The following PLXNB2 variants were observed in gnomAD, a reference collection of about 807,000 sequenced individuals.
The protein encoded by PLXNB2 is plexin-B2.
Under a neutral mutation model 202.6 loss-of-function variants are expected in PLXNB2, and 85 were observed. The observed-to-expected ratio is 0.42, with a 90% confidence interval of 0.35 to 0.50. The LOEUF is 0.50. Ranked by LOEUF, PLXNB2 falls within the 20% of genes least tolerant of loss-of-function variation. The pLI is 0.02. For synonymous variants in PLXNB2, 1,239 were observed against 1,137.6 expected (o/e 1.09, Z -1.79); for missense variants, 2,063 against 2,586.2 (o/e 0.80, Z 4.39).
Position 50,280,469 on chromosome 22 carries a change from G to C in PLXNB2, c.4175+20C>G, listed in dbSNP as rs375274039. On this transcript the variant is annotated intron_variant, in intron 25 of 36. Coordinates refer to ENST00000359337, the MANE Select transcript of PLXNB2 (RefSeq NM_012401.4). The stretch of plus-strand genomic sequence containing the variant: ...GGCCGCCCCGCCCGTGGCCCCGCTC[G>C]TGGCCCCGCCCATGTGCACCTGCGC... 3.8e-6 allele frequency: 6 copies of C among 1,582,536 alleles called. No individual in the cohort carries two copies. Among genetic ancestry groups the C allele is most frequent in the African/African-American group, 1.3e-5 (1 of 74,378 alleles).
In PLXNB2 at chr22:50,289,898, G is replaced by A; in HGVS notation, c.687C>T (p.Phe229=). 6.2e-7 allele frequency: 1 copy of A among 1,613,234 alleles called. No homozygotes were observed. Among genetic ancestry groups the A allele is most frequent in the Non-Finnish European group, 8.5e-7 (1 of 1,180,038 alleles). Residue 229 remains phenylalanine (F), a synonymous_variant, in exon 3 of 37, where the codon TTC becomes TTT. Transcript: ENST00000359337. This position sits in a 1 kb window ranked among gnomAD's most constrained non-coding sequence, Gnocchi z 8.0. ...VAAFEDGPYV[F]FVFNQQDKHP... ...GCTTGTCCTGCTGGTTGAAGACAAA[G>A]AAGACGTAGGGGCCGTCCTCGAAGG...
In PLXNB2 at chr22:50,305,217, G is replaced by A. The variant is rs555510511; in HGVS notation, c.-74+2336C>T. Among the ~76,000 whole-genome samples, 11 of 152,306 alleles carry A rather than the reference G, an allele frequency of 7.2e-5. No individual in the cohort carries two copies. In the South Asian group the frequency reaches 1.7e-3, roughly 23 times the overall value. On this transcript the variant is annotated intron_variant, in intron 1 of 36. Transcript: ENST00000359337. ...GGGGCAGGACACGGTGAGCACGGAC[G>A]ACGTCCTGGGATGGGAGGAGGACTG...
At chr22:50,296,823 A>G (rs2067311991) in intron 1 of PLXNB2, among the ~76,000 whole-genome samples, 2 of 151,948 alleles carry the variant, frequency 1.3e-5, no homozygotes, top group Admixed American at 6.6e-5. Flanking sequence ...CCCCACCGGG[A>G]TCCTCATGTG....
rs1212523334 is a variant in PLXNB2, at chr22:50,280,482, T to C, written c.4175+7A>G. The C allele has an allele frequency of 8.1e-6, 13 of 1,597,630 alleles. No homozygotes were observed. The highest frequency in any genetic ancestry group is 1.3e-5 in the African/African-American group (1 of 74,644). ...GTGGCCCCGCTCGTGGCCCCGCCCA[T>C]GTGCACCTGCGCAGCATCAGCTTGG... On this transcript the variant is annotated splice_region_variant and intron_variant, in intron 25 of 36. Transcript: ENST00000359337.
At position 50,280,584 on chromosome 22, in the gene PLXNB2, C is replaced by T. The variant is rs373529420; in HGVS notation, c.4080G>A (p.Gly1360=). The T allele has an allele frequency of 6.2e-7, 1 of 1,612,482 alleles. No individual in the cohort carries two copies. The highest frequency in any genetic ancestry group is 8.5e-7 in the Non-Finnish European group (1 of 1,179,874). ...FASLLTVALH[G]KLEYYTDIMH... is the part of the protein sequence containing the mutation. ...TGATGTCCGTGTAGTACTCCAGTTT[C>T]CCGTGCAGCGCCACCGTCAGCAGGG... The change falls in exon 25 of 37, where the codon GGG becomes GGA. Residue 1360 remains glycine (G), a synonymous_variant. Transcript: ENST00000359337.
At position 50,299,794 on chromosome 22, in the gene PLXNB2, G is replaced by A. The variant is rs143893967; in HGVS notation, c.-73-5016C>T. Among the ~76,000 whole-genome samples the A allele has an allele frequency of 3.7e-3, 567 of 152,262 alleles. 10 individuals are homozygous for A. In the East Asian group the frequency reaches 0.052, roughly 14 times the overall value. On this transcript the variant is annotated intron_variant, in intron 1 of 36. Coordinates refer to ENST00000359337, the MANE Select transcript of PLXNB2 (RefSeq NM_012401.4). ...TCAGAGTTCAGCCCGGGAGGCGGGG[G>A]GCGGTGTCTCCTGGGTGGGTCTGCG...
At position 50,275,778 on chromosome 22, in the gene PLXNB2, C is replaced by A. The variant is rs748967251; in HGVS notation, c.5443G>T (p.Ala1815Ser). Residue 1815 changes from alanine (A) to serine (S), a missense_variant, in exon 37 of 37, where the codon GCC becomes TCC. Physicochemically the swap from Ala to Ser is moderately conservative, Grantham distance 99. Coordinates refer to ENST00000359337, the MANE Select transcript of PLXNB2 (RefSeq NM_012401.4). ...CGGAAGGCCAGCTGCATCTTCTGGG[C>A]GGCAGGATCCTCCTCCAAGGCATTG... ...IINALEEDPA[A>S]QKMQLAFRLQ... The A allele has an allele frequency of 2.5e-6, 4 of 1,612,260 alleles. No individual in the cohort carries two copies. Among genetic ancestry groups the A allele is most frequent in the Non-Finnish European group, 2.5e-6 (3 of 1,179,724 alleles).
In PLXNB2 at chr22:50,282,705, C is replaced by A. The variant is rs764247211; in HGVS notation, c.2987+6G>T. Reference sequence around the variant, plus strand: ...GCAGAGGGGGGCGGGGGGACACCAGCCTCACCTGGCAAAGCTTCGTAGCGG... The same window carrying A: ...GCAGAGGGGGGCGGGGGGACACCAGACTCACCTGGCAAAGCTTCGTAGCGG... On this transcript the variant is annotated splice_donor_region_variant and intron_variant, in intron 18 of 36. Transcript: ENST00000359337. The A allele has an allele frequency of 7.9e-6, 12 of 1,525,960 alleles. No homozygotes were observed. The African/African-American group carries it at 1.9e-4, about 25-fold the overall frequency. 94.5% of individuals were successfully genotyped at this position (1,525,960 alleles called of 1,614,324 possible).
At chr22:50,283,796 A>G (rs929910902) in intron 14 of PLXNB2, 37 bp downstream of exon 14, 2 of 1,612,500 alleles carry the variant, frequency 1.2e-6, no homozygotes, top group South Asian at 2.2e-5. Flanking sequence ...CATGCCAGGG[A>G]CGAGGGAAGG....
At chr22:50,287,850 G>A in intron 6 of PLXNB2, 57 bp from the exon 7 acceptor site, 1 of 1,596,622 alleles carries the variant, frequency 6.3e-7, no homozygotes, top group Non-Finnish European at 8.5e-7. Flanking sequence ...CCCGGGACAG[G>A]ACAGTGCGAT....
chr22:50,289,684 T>A lies in PLXNB2; in HGVS notation c.901A>T (p.Ser301Cys). The A allele has an allele frequency of 3.7e-6, 6 of 1,610,588 alleles. No homozygotes were observed. The highest frequency in any genetic ancestry group is 4.2e-6 in the Non-Finnish European group (5 of 1,179,850). The change falls in exon 3 of 37, where the codon AGC (serine) becomes TGC (cysteine). Residue 301 changes from serine (S) to cysteine (C), a missense_variant. Ser to Cys is a moderately radical substitution (Grantham distance 112, BLOSUM62 -1). This residue lies in a region of PLXNB2 where 1,303 missense variants were observed against 1,476.8 expected (regional missense o/e 0.88). Coordinates refer to ENST00000359337, the MANE Select transcript of PLXNB2 (RefSeq NM_012401.4). The surrounding 1 kb of genome is among the most constrained non-coding windows in gnomAD (Gnocchi z 8.0). The stretch of plus-strand genomic sequence containing the variant: ...GCACCGGGCCCCCCACTGCTCCGGC[T>A]GTCTCTGCTGAAGACAGCATATAGC... Reference protein sequence around the residue: ...RVLYAVFSRDSRSSGGPGAGL... With the variant: ...RVLYAVFSRDCRSSGGPGAGL...
Position 50,281,350 on chromosome 22 carries a change from G to T in PLXNB2, c.3662+10C>A, listed in dbSNP as rs1209427979. The T allele has an allele frequency of 1.2e-6, 2 of 1,611,242 alleles. No individual in the cohort carries two copies. Among genetic ancestry groups the T allele is most frequent in the East Asian group, 2.2e-5 (1 of 44,814 alleles). ...CTCAGGGTGTTGGCACAGCCGGGGG[G>T]CGGGCTCACCAGTAGCAGTAGACAG... On this transcript the variant is annotated intron_variant, in intron 22 of 36. Transcript: ENST00000359337.
In PLXNB2 at chr22:50,284,559, C is replaced by A; in HGVS notation, c.2181+14G>T. On this transcript the variant is annotated intron_variant, in intron 12 of 36. Transcript: ENST00000359337. This position sits in a 1 kb window ranked among gnomAD's most constrained non-coding sequence, Gnocchi z 8.0. ...GGGGTCCAGCAGCCGAGCCGGCCTGCCCTGGAGCCGTACCTTTGGGGTCCG... is the reference window on the plus strand; with the variant it reads ...GGGGTCCAGCAGCCGAGCCGGCCTGACCTGGAGCCGTACCTTTGGGGTCCG... The A allele has an allele frequency of 6.3e-7, 1 of 1,596,102 alleles. No individual in the cohort carries two copies. The highest frequency in any genetic ancestry group is 1.1e-5 in the South Asian group (1 of 90,684).
chr22:50,301,184 C>T (rs934930458), intron 1 of PLXNB2, among the ~76,000 whole-genome samples: 2 of 152,316 alleles, frequency 1.3e-5, no homozygotes, highest in South Asian at 2.1e-4. Context: ...TTGGCTACGG[C>T]GCCCTGTCCC....
At position 50,282,892 on chromosome 22, in the gene PLXNB2, G is replaced by A. The variant is rs1213223966; in HGVS notation, c.2817-11C>T. ...GCCCCAAACTTCGTCCTGGGGGAGG[G>A]AGGGTGCTGGTCTGCATCAACCCCT... On this transcript the variant is annotated splice_polypyrimidine_tract_variant and intron_variant, in intron 17 of 36. Coordinates refer to ENST00000359337, the MANE Select transcript of PLXNB2 (RefSeq NM_012401.4). 2.5e-6 allele frequency: 4 copies of A among 1,604,934 alleles called. No individual in the cohort carries two copies. The highest frequency in any genetic ancestry group is 2.2e-5 in the East Asian group (1 of 44,696).
chr22:50,287,220 G>T lies in PLXNB2; in HGVS notation c.1653C>A (p.Asp551Glu), dbSNP rs370325511. Reference sequence around the variant, plus strand: ...ACTCCCCAAAAAGGCACAGCAACTCGTCCTCCTCGCTCAGGGCAGGGAGGG... The same window carrying T: ...ACTCCCCAAAAAGGCACAGCAACTCTTCCTCCTCGCTCAGGGCAGGGAGGG... ...VSPLPALSEE[D>E]ELLCLFGESP... Residue 551 changes from aspartate (D) to glutamate (E), a missense_variant, in exon 8 of 37, where the codon GAC (aspartate) becomes GAA (glutamate). Coordinates refer to ENST00000359337, the MANE Select transcript of PLXNB2 (RefSeq NM_012401.4). 1 of 1,550,606 alleles carries T rather than the reference G, an allele frequency of 6.4e-7. No homozygotes were observed. Among genetic ancestry groups the T allele is most frequent in the South Asian group, 1.2e-5 (1 of 83,918 alleles).
intron 24 of PLXNB2, 30 bp downstream of exon 24, chr22:50,280,714 G>GGGGGCCCC: frequency 3.3e-6 from 5 of 1,528,870 alleles, no homozygotes; most frequent in East Asian, 2.4e-5. Context: ...CCACCTGTGT[G>GGGGGCCCC]CCCTCCCGCC....
At chr22:50,279,519 AGAG>A in intron 27 of PLXNB2, 108 bp downstream of exon 27, 2 of 1,052,156 alleles carry the variant, frequency 1.9e-6, no homozygotes, top group East Asian at 4.8e-5. Flanking sequence ...TCGAATCCAC[AGAG>A]GAGGTGGACG....
At chr22:50,306,521 C>A (rs1443669450) in intron 1 of PLXNB2, among the ~76,000 whole-genome samples, 1 of 149,562 alleles carries the variant, frequency 6.7e-6, no homozygotes, top group Non-Finnish European at 1.5e-5. Context: ...CTCCCACCCG[C>A]AAAGGGCTCC....
Sources: allele counts gnomAD v4.1 joint callset (sites outside exome capture counted in the v4.1 genomes callset), GRCh38; gene constraint gnomAD v4.1.1; regional missense constraint gnomAD v4.1.1; non-coding constraint Gnocchi (gnomAD v3.1); transcripts MANE v1.5; gene names NCBI Gene and HGNC (gene_info 2026-07-23, HGNC 2026-07-21).